Variants in CPS1 observed in about 807,000 individuals in gnomAD.
CPS1 encodes the protein carbamoyl-phosphate synthase 1, also known as carbamoyl-phosphate synthase [ammonia], mitochondrial.
Under a neutral mutation model 174.6 loss-of-function variants are expected in CPS1, and 109 were observed. The observed-to-expected ratio is 0.62, with a 90% confidence interval of 0.53 to 0.73. The LOEUF is 0.73. CPS1 is among the 30% of genes least tolerant of loss of function. CPS1 has a pLI of 0.00. For synonymous variants in CPS1, 637 were observed against 632.0 expected (o/e 1.01, Z -0.12); for missense variants, 1,689 against 1,821.9 (o/e 0.93, Z 1.33).
intron 1 of CPS1, among the ~76,000 whole-genome samples, chr2:210,546,654 G>A (rs995049388): frequency 1.3e-5 from 2 of 152,052 alleles, no homozygotes; most frequent in Non-Finnish European, 2.9e-5. Context: ...TGTTGGCTAA[G>A]TGATTTGCAG....
chr2:210,477,828 C>A, intron 1 of CPS1: 3 of 1,576,762 alleles, frequency 1.9e-6, no homozygotes, highest in Non-Finnish European at 2.6e-6. Flanking sequence ...GAGCAACTCA[C>A]AAGAGAGAAA....
At chr2:210,647,378 T>C (rs1479779232) in intron 25 of CPS1, among the ~76,000 whole-genome samples, 1 of 152,204 alleles carries the variant, frequency 6.6e-6, no homozygotes, top group Non-Finnish European at 1.5e-5. Context: ...CAAAAGTTTA[T>C]GCTTTATTCT....
At chr2:210,635,994 A>T (rs956620243) in intron 21 of CPS1, among the ~76,000 whole-genome samples, 2 of 152,240 alleles carry the variant, frequency 1.3e-5, no homozygotes, top group African/African-American at 4.8e-5. Flanking sequence ...ATTAAAGCAG[A>T]TTCATGATTA....
chr2:210,641,856 G>C (rs186330648), intron 24 of CPS1, among the ~76,000 whole-genome samples: 74 of 152,268 alleles, frequency 4.9e-4, no homozygotes, highest in Non-Finnish European at 1.0e-4. Flanking sequence ...CAATTCTATG[G>C]CATCCCAGTA....
chr2:210,590,525 A>G (rs1292888314), intron 8 of CPS1, among the ~76,000 whole-genome samples: 1 of 151,884 alleles, frequency 6.6e-6, no homozygotes, highest in Admixed American at 6.6e-5. Flanking sequence ...TAAACCGACA[A>G]CTCATGGTTC....
At chr2:210,574,502 G>A (rs1374182680) in intron 2 of CPS1, among the ~76,000 whole-genome samples, 1 of 152,052 alleles carries the variant, frequency 6.6e-6, no homozygotes, top group East Asian at 1.9e-4. Context: ...TTCCACTGGT[G>A]AGAACATTAA....
chr2:210,536,978 AT>A (rs1189274603), intron 1 of CPS1, among the ~76,000 whole-genome samples: 2 of 152,224 alleles, frequency 1.3e-5, no homozygotes, highest in Non-Finnish European at 2.9e-5. Flanking sequence ...AAAGTCACTC[AT>A]GAATTTATAT....
chr2:210,676,915 T>C, intron 36 of CPS1, 92 bp from the exon 37 acceptor site: 2 of 1,278,084 alleles, frequency 1.6e-6, no homozygotes, highest in Non-Finnish European at 2.3e-6. Flanking sequence ...TGGCATTGAC[T>C]TGAATGGCTA....
chr2:210,658,583 A>T lies in CPS1; in HGVS notation c.3667-16A>T. ...ATGCTCTTTAGCACACTATACGATT[A>T]TGCTTTTTAATTCAGGTGAAGGATG... On this transcript the variant is annotated splice_polypyrimidine_tract_variant and intron_variant, in intron 30 of 37. Transcript: ENST00000233072. 2 of 1,609,434 alleles carry T rather than the reference A, an allele frequency of 1.2e-6. No individual in the cohort carries two copies. The highest frequency in any genetic ancestry group is 1.7e-6 in the Non-Finnish European group (2 of 1,175,776).
At chr2:210,630,953 C>T (rs1327204051) in intron 21 of CPS1, among the ~76,000 whole-genome samples, 1 of 150,906 alleles carries the variant, frequency 6.6e-6, no homozygotes, top group Non-Finnish European at 1.5e-5. Context: ...ATATCTTACT[C>T]AATTCTCTTA....
At chr2:210,609,605 T>C (rs1699038267) in intron 19 of CPS1, among the ~76,000 whole-genome samples, 1 of 152,018 alleles carries the variant, frequency 6.6e-6, no homozygotes, top group African/African-American at 2.4e-5. Context: ...TCAGTCTTTC[T>C]CTATCATTTG....
chr2:210,677,869 C>T lies in CPS1; in HGVS notation c.4405-18C>T. 1 of 1,588,280 alleles carries T rather than the reference C, an allele frequency of 6.3e-7. No individual in the cohort carries two copies. The highest frequency in any genetic ancestry group is 1.1e-5 in the South Asian group (1 of 90,514). On this transcript the variant is annotated intron_variant, in intron 37 of 37. Coordinates refer to ENST00000233072, the MANE Select transcript of CPS1 (RefSeq NM_001875.5). ...TTTATCTCATGGAGGGTGCTGATTC[C>T]TACCATTATATTTTCAGGTGACCAA...
chr2:210,559,048 T>C (rs1697014593), intron 1 of CPS1, among the ~76,000 whole-genome samples: 1 of 152,100 alleles, frequency 6.6e-6, no homozygotes, highest in Non-Finnish European at 1.5e-5. Flanking sequence ...TATTATTCAG[T>C]TATTGTGAAA....
At chr2:210,572,734 G>A (rs192059598) in intron 1 of CPS1, among the ~76,000 whole-genome samples, 2 of 152,038 alleles carry the variant, frequency 1.3e-5, no homozygotes, top group African/African-American at 4.8e-5. Context: ...AGCATTAAGA[G>A]AGTGATAAAG....
intron 9 of CPS1, among the ~76,000 whole-genome samples, chr2:210,591,189 T>G (rs1218814680): frequency 1.3e-5 from 2 of 152,016 alleles, no homozygotes; most frequent in South Asian, 2.1e-4. Context: ...TTGCTATAAT[T>G]TAAAGTTATT....
At chr2:210,480,912 T>C (rs1007728314) in intron 1 of CPS1, among the ~76,000 whole-genome samples, 5 of 152,198 alleles carry the variant, frequency 3.3e-5, no homozygotes, top group African/African-American at 1.2e-4. Flanking sequence ...AATTCATGGA[T>C]TGACAGGAGC....
intron 28 of CPS1, among the ~76,000 whole-genome samples, chr2:210,653,606 G>A (rs1429195347): frequency 4.6e-5 from 7 of 152,154 alleles, no homozygotes; most frequent in Non-Finnish European, 8.8e-5. Flanking sequence ...TTAGGGAGTT[G>A]TAGTGCTTAG....
intron 34 of CPS1, chr2:210,674,484 C>CAAAAAAAA: frequency 1.3e-5 from 1 of 74,804 alleles, no homozygotes; most frequent in African/African-American, 5.8e-5. Flanking sequence ...AAAAAAAAAC[C>CAAAAAAAA]AAAAAAAAAA....
intron 1 of CPS1, among the ~76,000 whole-genome samples, chr2:210,510,842 C>T (rs1417526633): frequency 1.3e-5 from 2 of 152,186 alleles, no homozygotes; most frequent in African/African-American, 4.8e-5. Flanking sequence ...TACCATCTCA[C>T]ACCAGTTAGA....
Sources: gnomAD v4.1 joint callset for allele counts (sites outside exome capture counted in the v4.1 genomes callset) on GRCh38, gnomAD v4.1.1 for gene constraint, MANE v1.5 for transcripts, NCBI Gene and HGNC (gene_info 2026-07-23, HGNC 2026-07-21) for gene names.